Variants in MCM3AP observed in about 807,000 individuals in gnomAD.
MCM3AP encodes the protein minichromosome maintenance complex component 3 associated protein.
Under a neutral mutation model 184.1 loss-of-function variants are expected in MCM3AP, and 126 were observed. The ratio of observed to expected loss-of-function variants is 0.68; its 90% CI spans 0.59 to 0.79. The LOEUF (loss-of-function observed/expected upper bound fraction) is 0.79. Among genes scored for constraint, MCM3AP ranks in the 30% least tolerant of loss-of-function variants. MCM3AP has a pLI of 0.00. For synonymous variants in MCM3AP, 1,002 were observed against 979.3 expected (o/e 1.02, Z -0.43); for missense variants, 2,496 against 2,479.2 (o/e 1.01, Z -0.14).
chr21:46,277,869 A>C (rs960501498), intron 4 of MCM3AP, 152 bp from the exon 5 acceptor site: 2 of 468,422 alleles, frequency 4.3e-6, no homozygotes, highest in Non-Finnish European at 7.6e-6. Flanking sequence ...TTTGATAAGG[A>C]TGGTAATGAG....
At chr21:46,246,062 C>A (rs555793996) in intron 22 of MCM3AP, among the ~76,000 whole-genome samples, 14 of 152,306 alleles carry the variant, frequency 9.2e-5, no homozygotes, top group African/African-American at 2.9e-4. Context: ...CATACAACTG[C>A]TGCCAGGCGC....
chr21:46,248,233 A>G (rs2080808804), intron 20 of MCM3AP, among the ~76,000 whole-genome samples: 1 of 152,128 alleles, frequency 6.6e-6, no homozygotes, highest in South Asian at 2.1e-4. Context: ...GGCAACCTCT[A>G]TGCAAAACCA....
chr21:46,242,367 A>G (rs2080682110), intron 25 of MCM3AP: 1 of 152,134 alleles, frequency 6.6e-6, no homozygotes, highest in Non-Finnish European at 1.5e-5. Flanking sequence ...AAAATAAAGA[A>G]ATTTTATCAG....
chr21:46,243,479 A>G lies in MCM3AP; in HGVS notation c.5282T>C (p.Leu1761Pro). 1 of 1,610,054 alleles carries G rather than the reference A, an allele frequency of 6.2e-7. No homozygotes were observed. Among genetic ancestry groups the G allele is most frequent in the East Asian group, 2.2e-5 (1 of 44,844 alleles). Residue 1761 changes from leucine (L) to proline (P), a missense_variant, in exon 24 of 28, where the codon CTT (leucine) becomes CCT (proline). Around this residue, in one of 5 missense-constraint regions of MCM3AP, gnomAD observed 1,323 missense variants for 1,273.4 expected, o/e 1.04. Transcript: ENST00000291688. Reference sequence around the variant, plus strand: ...GCTCTAATTACCTGATGTAACAGGAAGCCGGGGGGGCGTCCAGTCTCTCAG... The same window carrying G: ...GCTCTAATTACCTGATGTAACAGGAGGCCGGGGGGGCGTCCAGTCTCTCAG... ...HKLRDWTPPR[L>P]PVTSEALSED...
chr21:46,267,244 C>A, intron 9 of MCM3AP, 102 bp from the exon 10 acceptor site: 1 of 1,152,810 alleles, frequency 8.7e-7, no homozygotes, highest in South Asian at 1.5e-5. Flanking sequence ...GGCACATGGG[C>A]TCCTCCTGGG....
In MCM3AP at chr21:46,246,576, C is replaced by T. The variant is rs1254969212; in HGVS notation, c.4549+52G>A. 3.8e-6 allele frequency: 6 copies of T among 1,598,042 alleles called. No homozygotes were observed. The East Asian group carries it at 1.3e-4, about 36-fold the overall frequency. ...TGGACCATCCTCAGACCCAGGGCCT[C>T]CACCCATTTATTAAACAATGCTGCT... On this transcript the variant is annotated intron_variant, in intron 21 of 27. Coordinates refer to ENST00000291688, the MANE Select transcript of MCM3AP (RefSeq NM_003906.5).
intron 20 of MCM3AP, among the ~76,000 whole-genome samples, chr21:46,247,965 C>T (rs1300232511): frequency 6.6e-6 from 1 of 151,876 alleles, no homozygotes; most frequent in African/African-American, 2.4e-5. Context: ...AAAATATAAG[C>T]CCATAATAAT....
At chr21:46,247,119 C>A in intron 20 of MCM3AP, 1 of 469,524 alleles carries the variant, frequency 2.1e-6, no homozygotes, top group Non-Finnish European at 3.7e-6. Flanking sequence ...AGACTCCCCT[C>A]AACCTTTTTT....
At chr21:46,275,068 G>T in intron 6 of MCM3AP, 118 bp downstream of exon 6, 1 of 1,145,544 alleles carries the variant, frequency 8.7e-7, no homozygotes, top group Non-Finnish European at 1.2e-6. Flanking sequence ...TAATATGATT[G>T]TTAATAGCAC....
intron 20 of MCM3AP, chr21:46,249,513 T>C (rs954535108): frequency 1.2e-5 from 5 of 434,492 alleles, no homozygotes; most frequent in African/African-American, 1.0e-4. Flanking sequence ...CTACCTATAA[T>C]TTTACAAACG....
chr21:46,245,657 C>T (rs1321641549), intron 22 of MCM3AP, among the ~76,000 whole-genome samples: 4 of 151,082 alleles, frequency 2.6e-5, no homozygotes. Context: ...GCAAAGACTC[C>T]CCCTGCCCTA....
At chr21:46,272,970 G>A in intron 7 of MCM3AP, 141 bp from the exon 8 acceptor site, 2 of 816,764 alleles carry the variant, frequency 2.4e-6, no homozygotes, top group Non-Finnish European at 1.8e-6. Flanking sequence ...GGACTTTGTA[G>A]TGACTTAAAT....
chr21:46,235,273 T>A lies in MCM3AP; in HGVS notation c.5938A>T (p.Ile1980Phe). ...HLSALLDMVD[I>F] ...CTCCCCACAGGTCAGGCTGCTCAAA[T>A]GTCCACCATGTCTAGCAGCGCAGAG... Residue 1980 changes from isoleucine to phenylalanine, a missense_variant, in exon 28 of 28, where the codon ATT becomes TTT. Coordinates refer to ENST00000291688, the MANE Select transcript of MCM3AP (RefSeq NM_003906.5). 6.2e-7 allele frequency: 1 copy of A among 1,614,182 alleles called. No individual in the cohort carries two copies. The highest frequency in any genetic ancestry group is 8.5e-7 in the Non-Finnish European group (1 of 1,180,006).
chr21:46,272,834 C>A lies in MCM3AP; in HGVS notation c.2197-5G>T. 1.3e-6 allele frequency: 2 copies of A among 1,572,320 alleles called. No homozygotes were observed. The highest frequency in any genetic ancestry group is 1.7e-6 in the Non-Finnish European group (2 of 1,157,436). ...GAGGTGCTGCTGCGTGATATCCTGG[C>A]CACAGGCGAGGGGGAGGATCACACA... On this transcript the variant is annotated splice_region_variant and splice_polypyrimidine_tract_variant and intron_variant, in intron 7 of 27. Transcript: ENST00000291688.
At chr21:46,278,713 G>C (rs1444779083) in intron 4 of MCM3AP, among the ~76,000 whole-genome samples, 2 of 151,394 alleles carry the variant, frequency 1.3e-5, no homozygotes, top group African/African-American at 2.4e-5. Context: ...TCGCTCTGTT[G>C]CCCAGTCTGG....
At chr21:46,239,758 G>C (rs2080618471) in intron 26 of MCM3AP, among the ~76,000 whole-genome samples, 1 of 152,144 alleles carries the variant, frequency 6.6e-6, no homozygotes, top group African/African-American at 2.4e-5. Context: ...AATTTCTGAG[G>C]AGTAGGTACA....
chr21:46,265,783 C>T (rs1044694366), intron 11 of MCM3AP, 142 bp downstream of exon 11: 4 of 1,086,428 alleles, frequency 3.7e-6, no homozygotes, highest in Non-Finnish European at 3.9e-6. Context: ...GGAAGAGCCA[C>T]ACCCCTGGGC....
rs201049186 is a variant in MCM3AP, at chr21:46,243,602, C to G, written c.5159G>C (p.Arg1720Thr). Residue 1720 changes from arginine to threonine, a missense_variant, in exon 24 of 28, where the codon AGG (arginine) becomes ACG (threonine). Transcript: ENST00000291688. ...TGGGGAGGGACTCTTGCTCTTCCAC[C>G]TACAGTAGGTTCTGTGGAGCAGGTT... ...VENLLHRTYC[R>T]WKSKSPSPVH... 1.5e-4 allele frequency: 237 copies of G among 1,614,256 alleles called. No homozygotes were observed. The Middle Eastern group carries it at 1.5e-3, about 10-fold the overall frequency.
Position 46,238,477 on chromosome 21 carries a change from G to A in MCM3AP, c.5634-1498C>T, listed in dbSNP as rs992593001. Among the ~76,000 whole-genome samples, 5 of 120,554 alleles carry A rather than the reference G, an allele frequency of 4.1e-5. 2 individuals are homozygous for A. Among genetic ancestry groups the A allele is most frequent in the African/African-American group, 1.7e-4 (5 of 29,754 alleles). 79.1% of individuals were successfully genotyped at this position (120,554 alleles called of 152,430 possible). On this transcript the variant is annotated intron_variant, in intron 26 of 27. Transcript: ENST00000291688. The stretch of plus-strand genomic sequence containing the variant: ...AATCCCAGCACTTTGGGAGGCCAAG[G>A]CAGGTGGATCACCTGAGGTCAGGAG...
Sources: allele counts gnomAD v4.1 joint callset (sites outside exome capture counted in the v4.1 genomes callset), GRCh38; gene constraint gnomAD v4.1.1; regional missense constraint gnomAD v4.1.1; transcripts MANE v1.5; gene names NCBI Gene and HGNC (gene_info 2026-07-23, HGNC 2026-07-21).